The following RBBP8NL variants were observed in gnomAD, a reference collection of about 807,000 sequenced individuals.
RBBP8NL encodes RBBP8 N-terminal like.
RBBP8NL carries 59 observed loss-of-function variants against 62.2 expected under a neutral mutation model. The ratio of observed to expected loss-of-function variants is 0.95; its 90% CI spans 0.77 to 1.18. The LOEUF (loss-of-function observed/expected upper bound fraction) is 1.18. RBBP8NL is among the 50% of genes most tolerant of loss of function. The pLI is 0.00. For synonymous variants in RBBP8NL, 412 were observed against 394.1 expected (o/e 1.05, Z -0.54); for missense variants, 896 against 899.5 (o/e 1.00, Z 0.05).
chr20:62,422,199 CG>C (rs1241999093), intron 1 of RBBP8NL, among the ~76,000 whole-genome samples: 1 of 152,192 alleles, frequency 6.6e-6, no homozygotes, highest in Admixed American at 6.5e-5. Flanking sequence ...GATCACAGAG[CG>C]GAACAGCCAT....
chr20:62,417,299 T>A lies in RBBP8NL; in HGVS notation c.125A>T (p.Glu42Val), dbSNP rs1364463545. The A allele has an allele frequency of 1.9e-6, 3 of 1,601,272 alleles. No homozygotes were observed. In the Admixed American group the frequency reaches 5.1e-5, roughly 27 times the overall value. ...GAGCTGGTGGTTCTTGGAGAAGAGC[T>A]CCTCGATCCTCTGGGCGTCCCTGTG... ...ERCRDAQRIE[E>V]LFSKNHQLRE... Residue 42 changes from glutamate (E) to valine (V), a missense_variant, in exon 4 of 14, where the codon GAG becomes GTG. By Grantham distance (121) the Glu-to-Val change is moderately radical. Transcript: ENST00000252998.
rs775116137 is a variant in RBBP8NL, at chr20:62,413,857, G to A, written c.1494C>T (p.Thr498=). 2 of 1,596,306 alleles carry A rather than the reference G, an allele frequency of 1.3e-6. No homozygotes were observed. Among genetic ancestry groups the A allele is most frequent in the Non-Finnish European group, 1.7e-6 (2 of 1,172,454 alleles). The part of the protein sequence containing the change: ...PQALSNGTKG[T]RVPEQEEAST... ...AAGCCTCCTCCTGCTCTGGCACTCT[G>A]GTCCCCTTGGTGCCATTGCTGAGTG... is the stretch of plus-strand genomic sequence containing the variant. Residue 498 remains threonine (T), a synonymous_variant, in exon 10 of 14, where the codon ACC becomes ACT. Transcript: ENST00000252998.
chr20:62,418,296 C>T lies in RBBP8NL; in HGVS notation c.104+127G>A, dbSNP rs534255771. The T allele has an allele frequency of 5.2e-6, 5 of 958,938 alleles. No individual in the cohort carries two copies. In the Admixed American group the frequency reaches 6.0e-5, roughly 12 times the overall value. The allele number at this position is 958,938 out of a possible 1,614,324, so 59.4% of individuals were successfully genotyped here. A position where few individuals can be genotyped will look rare whatever the true frequency, so the allele number is the denominator to read the frequency against. On this transcript the variant is annotated intron_variant, in intron 3 of 13. Coordinates refer to ENST00000252998, the MANE Select transcript of RBBP8NL (RefSeq NM_080833.3). The stretch of plus-strand genomic sequence containing the variant: ...CCTTGGACAAGTGACTCCCCCCGCC[C>T]CCACACTGAGCCTCAGTTTCCCTTC...
At position 62,414,302 on chromosome 20, in the gene RBBP8NL, C is replaced by T. The variant is rs370155612; in HGVS notation, c.1049G>A (p.Arg350His). 2.7e-5 allele frequency: 42 copies of T among 1,570,358 alleles called. 1 individual carries two copies. The highest frequency in any genetic ancestry group is 2.4e-4 in the African/African-American group (18 of 74,108). The stretch of plus-strand genomic sequence containing the variant: ...GAGCAGGTGCAGTGCCCCCTCCAGG[C>T]GAAGGTCCTGCATGCCCGCCAGGGC... The part of the protein sequence containing the change: ...PSALAGMQDL[R>H]LEGALHLLLA... Residue 350 changes from arginine to histidine, a missense_variant, in exon 10 of 14, where the codon CGC (arginine) becomes CAC (histidine). Arg to His is a conservative substitution (Grantham distance 29). Coordinates refer to ENST00000252998, the MANE Select transcript of RBBP8NL (RefSeq NM_080833.3).
intron 10 of RBBP8NL, 48 bp from the exon 11 acceptor site, chr20:62,413,593 T>C: frequency 6.7e-7 from 1 of 1,496,394 alleles, no homozygotes; most frequent in Non-Finnish European, 8.9e-7. Context: ...GAGACTTCCT[T>C]GCCGCCAACT....
chr20:62,421,060 T>A (rs984533813), intron 1 of RBBP8NL, among the ~76,000 whole-genome samples: 1 of 150,508 alleles, frequency 6.6e-6, no homozygotes, highest in African/African-American at 2.4e-5. Flanking sequence ...CCCTTCCCCC[T>A]CCTCCCACAG....
intron 1 of RBBP8NL, among the ~76,000 whole-genome samples, chr20:62,423,503 TC>T (rs1243376042): frequency 6.6e-6 from 1 of 151,668 alleles, no homozygotes; most frequent in African/African-American, 2.4e-5. Flanking sequence ...CTCCTGAAAC[TC>T]CCCCCAGACC....
At position 62,410,911 on chromosome 20, in the gene RBBP8NL, G is replaced by A; in HGVS notation, c.1962C>T (p.Pro654=). Residue 654 remains proline (P), a synonymous_variant, in exon 14 of 14, where the codon CCC becomes CCT. Coordinates refer to ENST00000252998, the MANE Select transcript of RBBP8NL (RefSeq NM_080833.3). ...GSPRDAEDHS[P]SPNSSPWEET ...CCTCCCAGGGGCTGCTGTTGGGGGA[G>A]GGACTGTGGTCCTCGGCGTCCCTTG... The A allele has an allele frequency of 6.2e-7, 1 of 1,613,348 alleles. No homozygotes were observed. The highest frequency in any genetic ancestry group is 8.5e-7 in the Non-Finnish European group (1 of 1,179,762).
chr20:62,418,570 C>A, intron 2 of RBBP8NL, 105 bp from the exon 3 acceptor site: 1 of 1,144,560 alleles, frequency 8.7e-7, no homozygotes. Flanking sequence ...CACTCCTGTC[C>A]CCTGCACCCC....
chr20:62,417,303 C>A lies in RBBP8NL; in HGVS notation c.121G>T (p.Glu41Ter). Reference sequence around the variant, plus strand: ...TGGTGGTTCTTGGAGAAGAGCTCCTCGATCCTCTGGGCGTCCCTGTGGTGG... The same window carrying A: ...TGGTGGTTCTTGGAGAAGAGCTCCTAGATCCTCTGGGCGTCCCTGTGGTGG... ...SERCRDAQRIEELFSKNHQLR... is the reference protein window; with the variant it reads ...SERCRDAQRI The change falls in exon 4 of 14, where the codon GAG (glutamate) becomes TAG (stop). Residue 41 changes from glutamate (E) to a stop codon, truncating the protein, a stop_gained. Coordinates refer to ENST00000252998, the MANE Select transcript of RBBP8NL (RefSeq NM_080833.3). LOFTEE classifies it high-confidence loss of function. 6.2e-7 allele frequency: 1 copy of A among 1,600,200 alleles called. No homozygotes were observed. The highest frequency in any genetic ancestry group is 1.7e-5 in the Admixed American group (1 of 58,292).
At position 62,416,893 on chromosome 20, in the gene RBBP8NL, G is replaced by A. The variant is rs1261159037; in HGVS notation, c.201-21C>T. 4.6e-6 allele frequency: 7 copies of A among 1,517,214 alleles called. No individual in the cohort carries two copies. The African/African-American group carries it at 5.5e-5, about 12-fold the overall frequency. 94.0% of individuals were successfully genotyped at this position (1,517,214 alleles called of 1,614,324 possible). ...GCAGCCTGCAGGGATGGGGACGCAG[G>A]GGGTGTGAGGGATGGCACGGAAGCC... On this transcript the variant is annotated intron_variant, in intron 4 of 13. Transcript: ENST00000252998.
At chr20:62,423,174 C>T (rs542332232) in intron 1 of RBBP8NL, among the ~76,000 whole-genome samples, 71 of 152,158 alleles carry the variant, frequency 4.7e-4, no homozygotes, top group Non-Finnish European at 8.2e-4. Flanking sequence ...TCCGTACACA[C>T]TGAGACCTTC....
chr20:62,411,384 G>A (rs1194698169), intron 13 of RBBP8NL, among the ~76,000 whole-genome samples: 3 of 152,226 alleles, frequency 2.0e-5, no homozygotes, highest in South Asian at 4.1e-4. Flanking sequence ...GTCCGGGGAC[G>A]GGGATCCTGC....
Position 62,413,863 on chromosome 20 carries a change from C to A in RBBP8NL, c.1488G>T (p.Lys496Asn). The A allele has an allele frequency of 6.3e-7, 1 of 1,596,704 alleles. No homozygotes were observed. The highest frequency in any genetic ancestry group is 2.3e-5 in the East Asian group (1 of 44,170). Residue 496 changes from lysine (K) to asparagine (N), a missense_variant, in exon 10 of 14, where the codon AAG (lysine) becomes AAT (asparagine). Lys to Asn is a moderately conservative substitution (Grantham distance 94). Coordinates refer to ENST00000252998, the MANE Select transcript of RBBP8NL (RefSeq NM_080833.3). ...RSPQALSNGT[K>N]GTRVPEQEEA... ...CCTCCTGCTCTGGCACTCTGGTCCC[C>A]TTGGTGCCATTGCTGAGTGCCTGGG...
rs140971583 is a variant in RBBP8NL at position 62,426,794 on chromosome 20, C to T, written c.-84+666G>A. Among the ~76,000 whole-genome samples the T allele has an allele frequency of 3.0e-3, 460 of 152,178 alleles. 3 individuals are homozygous for T. The highest frequency in any genetic ancestry group is 6.0e-3 in the South Asian group (29 of 4,834). ...CACTCGTGTACCCCACACGCGCGTG[C>T]GCCCGTGCACTCGTGTGTACACATA... On this transcript the variant is annotated intron_variant, in intron 1 of 13. Coordinates refer to ENST00000252998, the MANE Select transcript of RBBP8NL (RefSeq NM_080833.3).
At chr20:62,413,281 G>A in intron 11 of RBBP8NL, 120 bp downstream of exon 11, 2 of 1,247,978 alleles carry the variant, frequency 1.6e-6, no homozygotes, top group Non-Finnish European at 2.1e-6. Context: ...TGCCCCGTCA[G>A]ATCGGCAGGG....
intron 4 of RBBP8NL, 101 bp downstream of exon 4, chr20:62,417,123 C>T (rs1171306542): frequency 5.6e-6 from 5 of 892,120 alleles, no homozygotes; most frequent in Non-Finnish European, 8.7e-6. Flanking sequence ...TTCAGTTTAT[C>T]CTGGAGTTTC....
At chr20:62,411,405 G>A (rs1988432590) in intron 13 of RBBP8NL, among the ~76,000 whole-genome samples, 1 of 152,236 alleles carries the variant, frequency 6.6e-6, no homozygotes, top group Non-Finnish European at 1.5e-5. Flanking sequence ...CGAGATGCTG[G>A]GCTTAGGCCA....
At chr20:62,416,041 G>A (rs926665169) in intron 6 of RBBP8NL, 96 bp from the exon 7 acceptor site, 7 of 1,462,854 alleles carry the variant, frequency 4.8e-6, no homozygotes, top group Non-Finnish European at 6.5e-6. Flanking sequence ...CCCAGGTGAC[G>A]CAGCTGTCCC....
Sources: gnomAD v4.1 joint callset for allele counts (sites outside exome capture counted in the v4.1 genomes callset) on GRCh38, gnomAD v4.1.1 for gene constraint, MANE v1.5 for transcripts, NCBI Gene and HGNC (gene_info 2026-07-23, HGNC 2026-07-21) for gene names.